Variants in TRAIP observed in about 807,000 individuals in gnomAD.
TRAIP encodes the protein E3 ubiquitin-protein ligase TRAIP.
Under a neutral mutation model 65.0 loss-of-function variants are expected in TRAIP, and 37 were observed. The ratio of observed to expected loss-of-function variants is 0.57; its 90% CI spans 0.44 to 0.75. The LOEUF (loss-of-function observed/expected upper bound fraction) is 0.75, where lower values mean the gene tolerates loss of function less well. Among genes scored for constraint, TRAIP ranks in the 30% least tolerant of loss-of-function variants. TRAIP has a pLI of 0.00. For synonymous variants in TRAIP, 187 were observed against 219.1 expected (o/e 0.85, Z 1.29); for missense variants, 481 against 579.4 (o/e 0.83, Z 1.74).
chr3:49,847,594 G>C lies in TRAIP; in HGVS notation c.171C>G (p.Thr57=), dbSNP rs2081896117. Residue 57 remains threonine (T), a synonymous_variant, in exon 3 of 15, where the codon ACC becomes ACG. Transcript: ENST00000331456. The part of the protein sequence containing the change: ...PQCRIQVGKR[T]IINKLFFDLA... Reference sequence around the variant, plus strand: ...GATCAAAGAAGAGCTTATTGATAATGGTTCTTTTGCCAACCTGGATGGGAG... The same window carrying C: ...GATCAAAGAAGAGCTTATTGATAATCGTTCTTTTGCCAACCTGGATGGGAG... 1 of 1,609,426 alleles carries C rather than the reference G, an allele frequency of 6.2e-7. No individual in the cohort carries two copies.
intron 10 of TRAIP, among the ~76,000 whole-genome samples, chr3:49,837,324 G>A (rs548452158): frequency 2.6e-5 from 4 of 152,022 alleles, no homozygotes; most frequent in Middle Eastern, 3.4e-3. Context: ...GCTCACGCTC[G>A]TAATCCCAGC....
intron 10 of TRAIP, among the ~76,000 whole-genome samples, chr3:49,834,533 G>A (rs146505003): frequency 6.6e-6 from 1 of 152,356 alleles, no homozygotes; most frequent in African/African-American, 2.4e-5. Context: ...TGCATTGGTA[G>A]AACACTAGGC....
intron 4 of TRAIP, among the ~76,000 whole-genome samples, chr3:49,844,211 C>T (rs938778311): frequency 1.8e-4 from 28 of 152,108 alleles, no homozygotes; most frequent in Non-Finnish European, 4.0e-4. Context: ...GTTCATCAAC[C>T]CAGGACTCAA....
Position 49,848,124 on chromosome 3 carries a change from C to T in TRAIP, c.156+19G>A. The T allele has an allele frequency of 6.2e-7, 1 of 1,613,314 alleles. No individual in the cohort carries two copies. Among genetic ancestry groups the T allele is most frequent in the Middle Eastern group, 1.7e-4 (1 of 6,060 alleles). On this transcript the variant is annotated intron_variant, in intron 2 of 14. Transcript: ENST00000331456. Reference sequence around the variant, plus strand: ...AGGAGATCTCTTCAGTTGAGGTGGTCCCACCCCAATACTCTCACCTGGATT... The same window carrying T: ...AGGAGATCTCTTCAGTTGAGGTGGTTCCACCCCAATACTCTCACCTGGATT...
chr3:49,851,294 AATTCTGGCTGC>A (rs1328466941), intron 1 of TRAIP, among the ~76,000 whole-genome samples: 1 of 152,130 alleles, frequency 6.6e-6, no homozygotes, highest in East Asian at 1.9e-4. Context: ...TCTTGATCTG[AATTCTGGCTGC>A]ATAGATATGT....
intron 1 of TRAIP, among the ~76,000 whole-genome samples, chr3:49,851,919 G>C (rs1053415066): frequency 4.1e-5 from 6 of 147,076 alleles, no homozygotes; most frequent in South Asian, 2.2e-4. Flanking sequence ...GGATGGTCTC[G>C]ATCTCCTGAC....
intron 1 of TRAIP, among the ~76,000 whole-genome samples, chr3:49,855,509 G>C (rs1263127080): frequency 2.0e-5 from 3 of 152,002 alleles, no homozygotes; most frequent in Non-Finnish European, 4.4e-5. Context: ...AATAGAGTAG[G>C]CAAACAGAAA....
Position 49,847,619 on chromosome 3 carries a change from G to T in TRAIP, c.157-11C>A. ...GGTTCTTTTGCCAACCTGGATGGGAGAACAAGGTAAGAGTATGATTGTGTA... is the reference window on the plus strand; with the variant it reads ...GGTTCTTTTGCCAACCTGGATGGGATAACAAGGTAAGAGTATGATTGTGTA... On this transcript the variant is annotated splice_polypyrimidine_tract_variant and intron_variant, in intron 2 of 14. Transcript: ENST00000331456. 2 of 1,599,160 alleles carry T rather than the reference G, an allele frequency of 1.3e-6. No homozygotes were observed. The highest frequency in any genetic ancestry group is 1.1e-5 in the South Asian group (1 of 89,568).
At chr3:49,842,334 C>A in intron 6 of TRAIP, 119 bp downstream of exon 6, 1 of 969,958 alleles carries the variant, frequency 1.0e-6, no homozygotes. Context: ...CCTCCATGGC[C>A]TATGGAGATT....
chr3:49,830,702 C>T (rs1250862744), intron 11 of TRAIP, among the ~76,000 whole-genome samples: 1 of 152,186 alleles, frequency 6.6e-6, no homozygotes, highest in Non-Finnish European at 1.5e-5. Flanking sequence ...CTGGGGAACC[C>T]AGCAGCTGGA....
chr3:49,833,757 G>A (rs556760407), intron 10 of TRAIP, among the ~76,000 whole-genome samples: 1 of 152,302 alleles, frequency 6.6e-6, no homozygotes, highest in East Asian at 1.9e-4. Context: ...GGTATTACAG[G>A]CATGAGCCAC....
At position 49,836,494 on chromosome 3, in the gene TRAIP, AAAAAG is replaced by A. The variant is rs574138148; in HGVS notation, c.884+3273_884+3277del. Among the ~76,000 whole-genome samples the A allele has an allele frequency of 4.8e-3, 719 of 150,888 alleles. 9 individuals carry two copies. The highest frequency in any genetic ancestry group is 0.016 in the African/African-American group (666 of 40,604). On this transcript the variant is annotated intron_variant, in intron 10 of 14. Coordinates refer to ENST00000331456, the MANE Select transcript of TRAIP (RefSeq NM_005879.3). ...CAACAGAGCAAGACACTGTTTCAAA[AAAAAG>A]AAAAGAAAAGAAAAGGAAAAAGAAA...
chr3:49,847,434 GAAGA>G, intron 3 of TRAIP, 87 bp downstream of exon 3: 1 of 811,650 alleles, frequency 1.2e-6, no homozygotes, highest in Non-Finnish European at 2.0e-6. Context: ...GAAGAGAAGA[GAAGA>G]GAAGAGAAAA....
Position 49,856,331 on chromosome 3 carries a change from G to A in TRAIP, c.98+25C>T, listed in dbSNP as rs753097579. Reference sequence around the variant, plus strand: ...CTGAAGCGGTACCCGGGCAAACACCGGGCCCCAACACTGCAGTCACTCACC... The same window carrying A: ...CTGAAGCGGTACCCGGGCAAACACCAGGCCCCAACACTGCAGTCACTCACC... On this transcript the variant is annotated intron_variant, in intron 1 of 14. Coordinates refer to ENST00000331456, the MANE Select transcript of TRAIP (RefSeq NM_005879.3). The A allele has an allele frequency of 7.5e-6, 12 of 1,604,502 alleles. No homozygotes were observed. The East Asian group carries it at 8.9e-5, about 12-fold the overall frequency.
At chr3:49,844,437 G>C in intron 4 of TRAIP, 104 bp downstream of exon 4, 3 of 1,275,776 alleles carry the variant, frequency 2.4e-6, no homozygotes, top group Non-Finnish European at 3.3e-6. Context: ...AGCAGGGAAA[G>C]GCCCTGGCTC....
Position 49,856,530 on chromosome 3 carries a change from C to A in TRAIP, c.-77G>T. 7.3e-7 allele frequency: 1 copy of A among 1,361,718 alleles called. No individual in the cohort carries two copies. Among genetic ancestry groups the A allele is most frequent in the Non-Finnish European group, 1.0e-6 (1 of 977,784 alleles). The allele number at this position is 1,361,718 out of a possible 1,614,324, so 84.4% of individuals were successfully genotyped here. A position where few individuals can be genotyped will look rare whatever the true frequency, so the allele number is the denominator to read the frequency against. On this transcript the variant is annotated 5_prime_UTR_variant, in exon 1 of 15. Transcript: ENST00000331456. Reference sequence around the variant, plus strand: ...GCTTCGTAGACGCGCCCCCGCGCCTCCGCTTGCTTCAAATTTGGCTCCGCA... The same window carrying A: ...GCTTCGTAGACGCGCCCCCGCGCCTACGCTTGCTTCAAATTTGGCTCCGCA...
chr3:49,844,700 C>T, intron 3 of TRAIP, 120 bp from the exon 4 acceptor site: 1 of 1,090,228 alleles, frequency 9.2e-7, no homozygotes, highest in African/African-American at 1.5e-5. Flanking sequence ...GGCATGAATC[C>T]TGCAGTGCCT....
chr3:49,842,501 G>T lies in TRAIP; in HGVS notation c.455C>A (p.Ala152Glu). The T allele has an allele frequency of 6.2e-7, 1 of 1,613,940 alleles. No individual in the cohort carries two copies. Among genetic ancestry groups the T allele is most frequent in the Admixed American group, 1.7e-5 (1 of 60,016 alleles). ...CCTGAGCCGGCGGGCCTCCTCTTGT[G>T]CTTGTTTGGTCTCATCCTGCTGCTG... ...LEQQQDETKQ[A>E]QEEARRLRSK... The change falls in exon 6 of 15, where the codon GCA becomes GAA. Residue 152 changes from alanine (A) to glutamate (E), a missense_variant. By Grantham distance (107) the Ala-to-Glu change is moderately radical. Coordinates refer to ENST00000331456, the MANE Select transcript of TRAIP (RefSeq NM_005879.3).
At chr3:49,831,485 C>T (rs996331717) in intron 11 of TRAIP, among the ~76,000 whole-genome samples, 1 of 152,170 alleles carries the variant, frequency 6.6e-6, no homozygotes, top group Non-Finnish European at 1.5e-5. Flanking sequence ...GGGTCACCCC[C>T]TTGGGTGGTA....
Sources: allele counts gnomAD v4.1 joint callset (sites outside exome capture counted in the v4.1 genomes callset), GRCh38; gene constraint gnomAD v4.1.1; transcripts MANE v1.5; gene names NCBI Gene and HGNC (gene_info 2026-07-23, HGNC 2026-07-21).